The following ELP4 variants were observed in gnomAD, a reference collection of about 807,000 sequenced individuals.
ELP4 encodes the protein elongator acetyltransferase complex subunit 4.
ELP4 carries 51 observed loss-of-function variants against 48.9 expected under a neutral mutation model. That is an observed-to-expected ratio of 1.04 (90% CI 0.83 to 1.32). The LOEUF (loss-of-function observed/expected upper bound fraction) is 1.32. ELP4 is among the 40% of genes most tolerant of loss of function. The pLI is 0.00. For missense variants in ELP4, 519 were observed against 514.6 expected (o/e 1.01, Z -0.08); for synonymous variants, 210 against 189.2 (o/e 1.11, Z -0.90).
intron 3 of ELP4, among the ~76,000 whole-genome samples, chr11:31,580,980 A>G (rs956994140): frequency 6.6e-6 from 1 of 152,200 alleles, no homozygotes; most frequent in East Asian, 1.9e-4. Context: ...TATTCAGTCA[A>G]ATATTATACT....
chr11:31,696,927 A>G (rs1946421321), intron 9 of ELP4, among the ~76,000 whole-genome samples: 1 of 152,188 alleles, frequency 6.6e-6, no homozygotes, highest in South Asian at 2.1e-4. Flanking sequence ...TCTCACGTGC[A>G]GAGACACACA....
At chr11:31,542,564 G>GT (rs540110258) in intron 3 of ELP4, among the ~76,000 whole-genome samples, 2 of 152,288 alleles carry the variant, frequency 1.3e-5, no homozygotes, top group South Asian at 4.1e-4. Context: ...ATTTAGAAGA[G>GT]TTTTGCATTG....
chr11:31,545,716 G>C (rs1274695483), intron 3 of ELP4, among the ~76,000 whole-genome samples: 1 of 152,136 alleles, frequency 6.6e-6, no homozygotes, highest in African/African-American at 2.4e-5. Flanking sequence ...AGGAAAAAAT[G>C]TTAAGGGCAG....
chr11:31,555,761 C>G lies in ELP4; in HGVS notation c.381+15978C>G, dbSNP rs1353063422. Among the ~76,000 whole-genome samples the G allele has an allele frequency of 2.6e-5, 4 of 151,640 alleles. No individual in the cohort carries two copies. In the East Asian group the frequency reaches 5.8e-4, roughly 22 times the overall value. ...GTAATGTAAAAAATGATATTGAATA[C>G]CAATACAGATAAGTAGGGTTTTCTA... On this transcript the variant is annotated intron_variant, in intron 3 of 9. Transcript: ENST00000640961.
intron 9 of ELP4, among the ~76,000 whole-genome samples, chr11:31,700,444 A>T (rs1289863871): frequency 6.6e-6 from 1 of 152,136 alleles, no homozygotes; most frequent in Non-Finnish European, 1.5e-5. Flanking sequence ...AGTCAGGTTA[A>T]TAAAAACTAT....
At chr11:31,647,061 C>T (rs888966240) in intron 7 of ELP4, 1 of 151,742 alleles carries the variant, frequency 6.6e-6, no homozygotes. Context: ...CAGTTCATCT[C>T]AGATTGTGTC....
intron 9 of ELP4, among the ~76,000 whole-genome samples, chr11:31,760,793 C>T (rs2134253455): frequency 6.6e-6 from 1 of 152,270 alleles, no homozygotes; most frequent in East Asian, 1.9e-4. Context: ...ATTATAATAG[C>T]AGAGACCAGT....
intron 3 of ELP4, among the ~76,000 whole-genome samples, chr11:31,552,024 T>G (rs1290218459): frequency 2.0e-5 from 3 of 152,168 alleles, no homozygotes; most frequent in Non-Finnish European, 4.4e-5. Flanking sequence ...AGATATTTTA[T>G]CTAGAAGACT....
chr11:31,530,842 G>A (rs1318553084), intron 2 of ELP4, among the ~76,000 whole-genome samples: 2 of 152,076 alleles, frequency 1.3e-5, no homozygotes, highest in African/African-American at 4.8e-5. Context: ...TTTAGTTTGT[G>A]TAAGTCCCCA....
At chr11:31,775,946 C>T (rs963344042) in intron 9 of ELP4, among the ~76,000 whole-genome samples, 1 of 151,872 alleles carries the variant, frequency 6.6e-6, no homozygotes, top group Non-Finnish European at 1.5e-5. Flanking sequence ...GCCTGGATGA[C>T]AGAGTGAGAC....
intron 5 of ELP4, among the ~76,000 whole-genome samples, chr11:31,604,736 A>G (rs1249462142): frequency 6.6e-6 from 1 of 151,934 alleles, no homozygotes; most frequent in African/African-American, 2.4e-5. Context: ...TAAAAATAAT[A>G]CCTGAGAATT....
chr11:31,762,722 T>A (rs957084195), intron 9 of ELP4, among the ~76,000 whole-genome samples: 12 of 151,744 alleles, frequency 7.9e-5, no homozygotes, highest in Admixed American at 5.2e-4. Context: ...TAGATTTTTT[T>A]ATATATTAAT....
intron 6 of ELP4, among the ~76,000 whole-genome samples, chr11:31,630,819 C>T (rs1944846048): frequency 1.3e-5 from 2 of 152,054 alleles, no homozygotes; most frequent in African/African-American, 2.4e-5. Flanking sequence ...GTGGCACATG[C>T]ACGTAGTCCC....
intron 9 of ELP4, among the ~76,000 whole-genome samples, chr11:31,718,815 C>T (rs1203447724): frequency 6.6e-6 from 1 of 152,194 alleles, no homozygotes; most frequent in Non-Finnish European, 1.5e-5. Flanking sequence ...ACTGACAAAG[C>T]TATCACATCT....
At chr11:31,652,263 CTT>C (rs1945337254) in intron 9 of ELP4, 1 of 151,400 alleles carries the variant, frequency 6.6e-6, no homozygotes, top group Admixed American at 6.6e-5. Flanking sequence ...TTCTAAATAA[CTT>C]ATTTACTTAA....
intron 3 of ELP4, among the ~76,000 whole-genome samples, chr11:31,549,565 G>T (rs1278506066): frequency 6.6e-6 from 1 of 151,762 alleles, no homozygotes; most frequent in Non-Finnish European, 1.5e-5. Context: ...CAACCATTGT[G>T]GAAGTCAGTG....
intron 9 of ELP4, among the ~76,000 whole-genome samples, chr11:31,749,886 C>T (rs1318480651): frequency 2.0e-5 from 3 of 148,968 alleles, no homozygotes; most frequent in East Asian, 2.0e-4. Context: ...GACGGAGTCT[C>T]GCTCTGTCGC....
chr11:31,655,875 G>A (rs186836768), intron 9 of ELP4, among the ~76,000 whole-genome samples: 19 of 152,034 alleles, frequency 1.2e-4, no homozygotes, highest in African/African-American at 4.1e-4. Context: ...TAATAGTACT[G>A]TACTGGGGAA....
intron 9 of ELP4, among the ~76,000 whole-genome samples, chr11:31,686,378 A>G (rs1946161617): frequency 8.0e-6 from 1 of 125,026 alleles, no homozygotes; most frequent in African/African-American, 3.0e-5. Context: ...TGATTATCTT[A>G]AGTACAAACA....
Sources: gnomAD v4.1 joint callset for allele counts (sites outside exome capture counted in the v4.1 genomes callset) on GRCh38, gnomAD v4.1.1 for gene constraint, MANE v1.5 for transcripts, NCBI Gene and HGNC (gene_info 2026-07-23, HGNC 2026-07-21) for gene names.